STARD9: variants seen among roughly 807,000 people sequenced by gnomAD.
STARD9 encodes StAR related lipid transfer domain containing 9, also known as stAR-related lipid transfer protein 9.
In STARD9, 346 loss-of-function variants were observed where a neutral mutation model predicts 399.8. The observed-to-expected ratio is 0.87, with a 90% CI of 0.79 to 0.95. STARD9 has a LOEUF of 0.95. Ranked by LOEUF, STARD9 falls within the 40% of genes least tolerant of loss-of-function variation. The probability of loss-of-function intolerance (pLI) is 0.00; values close to 1 mark genes in which losing one functional copy is unlikely to be tolerated. For synonymous variants in STARD9, 2,203 were observed against 2,143.5 expected (o/e 1.03, Z -0.77); for missense variants, 5,832 against 5,667.5 (o/e 1.03, Z -0.93).
chr15:42,704,515 C>T (rs759873883), intron 26 of STARD9, among the ~76,000 whole-genome samples: 2 of 152,098 alleles, frequency 1.3e-5, no homozygotes, highest in African/African-American at 2.4e-5. Context: ...GAGAGCCTTC[C>T]AGGAATTCAA....
At chr15:42,714,518 G>T (rs2061316354) in intron 26 of STARD9, among the ~76,000 whole-genome samples, 1 of 152,024 alleles carries the variant, frequency 6.6e-6, no homozygotes, top group Admixed American at 6.5e-5. Context: ...TTCCCTCTGA[G>T]CATTGCTTCA....
chr15:42,710,704 T>A (rs1186279183), intron 26 of STARD9, among the ~76,000 whole-genome samples: 1 of 152,238 alleles, frequency 6.6e-6, no homozygotes, highest in Non-Finnish European at 1.5e-5. Flanking sequence ...ATTTATGCTC[T>A]CATAGTTCTG....
At chr15:42,712,088 TA>T (rs1248820275) in intron 26 of STARD9, among the ~76,000 whole-genome samples, 1 of 1,100 alleles carries the variant, frequency 9.1e-4, no homozygotes, top group Non-Finnish European at 2.6e-3. Flanking sequence ...ATATTATATA[TA>T]TATATATAAT....
At chr15:42,629,428 C>T (rs62019327) in intron 3 of STARD9, among the ~76,000 whole-genome samples, 5 of 152,052 alleles carry the variant, frequency 3.3e-5, no homozygotes, top group South Asian at 2.1e-4. Flanking sequence ...TCAGATTGTT[C>T]TCTGTTAACA....
chr15:42,620,912 G>A (rs974632221), intron 3 of STARD9, among the ~76,000 whole-genome samples: 1 of 151,938 alleles, frequency 6.6e-6, no homozygotes, highest in Non-Finnish European at 1.5e-5. Flanking sequence ...CTGCCACCAT[G>A]CCTGGTTAAT....
At chr15:42,618,677 A>G (rs922967122) in intron 3 of STARD9, among the ~76,000 whole-genome samples, 3 of 148,382 alleles carry the variant, frequency 2.0e-5, no homozygotes, top group Non-Finnish European at 4.5e-5. Flanking sequence ...GCTCACCGCA[A>G]CCTCTGCCTC....
At chr15:42,591,888 G>A (rs1392698199) in intron 3 of STARD9, among the ~76,000 whole-genome samples, 1 of 152,130 alleles carries the variant, frequency 6.6e-6, no homozygotes, top group South Asian at 2.1e-4. Flanking sequence ...CTTCATTCAC[G>A]TTCTATTAGA....
rs911207974 is a variant in STARD9 at position 42,685,489 on chromosome 15, A to C, written c.3911A>C (p.Glu1304Ala). 8 of 1,537,252 alleles carry C rather than the reference A, an allele frequency of 5.2e-6. No individual in the cohort carries two copies. In the African/African-American group the frequency reaches 9.6e-5, roughly 18 times the overall value. Reference protein sequence around the residue: ...QPHCELQPHCEQAESQVEPSY... With the variant: ...QPHCELQPHCAQAESQVEPSY... ...CATTGTGAGCTCCAGCCCCATTGTG[A>C]GCAGGCTGAATCACAGGTAGAGCCA... Residue 1304 changes from glutamate to alanine, a missense_variant, in exon 23 of 33, where the codon GAG becomes GCG. By Grantham distance (107) the Glu-to-Ala change is moderately radical. Transcript: ENST00000290607.
intron 26 of STARD9, among the ~76,000 whole-genome samples, chr15:42,710,521 C>T (rs949253027): frequency 3.3e-5 from 5 of 152,188 alleles, no homozygotes; most frequent in African/African-American, 1.2e-4. Context: ...CACGAATCTA[C>T]TTTCTGTCCC....
chr15:42,596,082 T>C (rs2058498360), intron 3 of STARD9, among the ~76,000 whole-genome samples: 1 of 152,182 alleles, frequency 6.6e-6, no homozygotes, highest in Middle Eastern at 3.2e-3. Flanking sequence ...TCTTTTAAAA[T>C]GCCAAAGCTT....
At chr15:42,601,565 C>T (rs1262196382) in intron 3 of STARD9, among the ~76,000 whole-genome samples, 1 of 148,602 alleles carries the variant, frequency 6.7e-6, no homozygotes, top group Non-Finnish European at 1.5e-5. Context: ...GGGCGGCTGG[C>T]TGGGCGGGGG....
intron 13 of STARD9, 122 bp downstream of exon 13, chr15:42,664,039 G>A (rs1042575965): frequency 4.6e-6 from 3 of 655,718 alleles, no homozygotes; most frequent in South Asian, 1.8e-5. Flanking sequence ...TCCTCCAGAT[G>A]ATGAGGGAGT....
At chr15:42,681,346 G>A (rs986580390) in intron 20 of STARD9, 76 bp from the exon 21 acceptor site, 1 of 1,417,958 alleles carries the variant, frequency 7.1e-7, no homozygotes, top group Non-Finnish European at 9.4e-7. Flanking sequence ...CTCTTGGAAG[G>A]CCTTACACTG....
chr15:42,683,977 T>A, intron 22 of STARD9, 139 bp from the exon 23 acceptor site: 1 of 896,530 alleles, frequency 1.1e-6, no homozygotes. Flanking sequence ...GTCCACAATT[T>A]CCTTTTATAC....
At position 42,687,679 on chromosome 15, in the gene STARD9, G is replaced by T; in HGVS notation, c.6101G>T (p.Gly2034Val). ...EMLNPNREPS[G>V]KKQNKRVNNT... ...TTAAATCCCAACAGAGAACCTTCTG[G>T]AAAGAAACAGAATAAAAGAGTTAAT... is the stretch of plus-strand genomic sequence containing the variant. Residue 2034 changes from glycine to valine, a missense_variant, in exon 23 of 33, where the codon GGA becomes GTA. Coordinates refer to ENST00000290607, the MANE Select transcript of STARD9 (RefSeq NM_020759.3). The T allele has an allele frequency of 6.5e-7, 1 of 1,537,098 alleles. No individual in the cohort carries two copies. Among genetic ancestry groups the T allele is most frequent in the Non-Finnish European group, 8.7e-7 (1 of 1,146,862 alleles).
intron 3 of STARD9, among the ~76,000 whole-genome samples, chr15:42,606,630 A>AT (rs80069920): frequency 0.15 from 20,808 of 136,026 alleles, 1,630 homozygotes; most frequent in African/African-American, 0.19. Flanking sequence ...TAATTTTTGT[A>AT]TTTTTTTTTT....
Position 42,690,252 on chromosome 15 carries a change from A to T in STARD9, c.8674A>T (p.Ser2892Cys), listed in dbSNP as rs2060659314. The change falls in exon 23 of 33, where the codon AGC becomes TGC. Residue 2892 changes from serine to cysteine, a missense_variant. By Grantham distance (112) the Ser-to-Cys change is moderately radical (BLOSUM62 -1). This residue lies in a region of STARD9 where 5,828 missense variants were observed against 5,651.1 expected (regional missense o/e 1.03). Coordinates refer to ENST00000290607, the MANE Select transcript of STARD9 (RefSeq NM_020759.3). The part of the protein sequence containing the change: ...SGLTEVCRAG[S>C]KHSRPIPLPD... ...GTTGACAGAAGTCTGCAGGGCTGGCAGCAAACATTCCAGGCCAATTCCACT... is the reference window on the plus strand; with the variant it reads ...GTTGACAGAAGTCTGCAGGGCTGGCTGCAAACATTCCAGGCCAATTCCACT... The T allele has an allele frequency of 6.5e-7, 1 of 1,537,376 alleles. No homozygotes were observed. The highest frequency in any genetic ancestry group is 2.0e-5 in the Admixed American group (1 of 50,988).
intron 1 of STARD9, among the ~76,000 whole-genome samples, chr15:42,576,422 T>C (rs1216821687): frequency 1.3e-5 from 2 of 152,232 alleles, no homozygotes; most frequent in Non-Finnish European, 2.9e-5. Context: ...CACGAACTTT[T>C]TTCTCTTTGT....
chr15:42,581,565 C>T, intron 1 of STARD9: 1 of 1,027,460 alleles, frequency 9.7e-7, no homozygotes, highest in Non-Finnish European at 1.5e-6. Flanking sequence ...GCTCCTAGGG[C>T]GGGTGGAAAA....
Sources: allele counts gnomAD v4.1 joint callset (sites outside exome capture counted in the v4.1 genomes callset), GRCh38; gene constraint gnomAD v4.1.1; regional missense constraint gnomAD v4.1.1; transcripts MANE v1.5; gene names NCBI Gene and HGNC (gene_info 2026-07-23, HGNC 2026-07-21).